NAA25: variants seen among roughly 807,000 people sequenced by gnomAD.
The protein encoded by NAA25 is N-alpha-acetyltransferase 25, NatB auxiliary subunit, also known as N-terminal acetyltransferase B complex subunit NAA25.
NAA25 carries 30 observed loss-of-function variants against 132.5 expected under a neutral mutation model. The observed-to-expected ratio is 0.23, with a 90% CI of 0.17 to 0.31. The LOEUF (loss-of-function observed/expected upper bound fraction) is 0.31, where lower values mean the gene tolerates loss of function less well. Ranked by LOEUF, NAA25 falls within the 10% of genes least tolerant of loss-of-function variation. The pLI, the probability that NAA25 is intolerant of heterozygous loss-of-function variation, is 1.00. For synonymous variants in NAA25, 359 were observed against 401.9 expected, an observed-to-expected ratio of 0.89 and a Z score of 1.28; for missense variants, 771 against 1,150.4, an observed-to-expected ratio of 0.67 and a Z score of 4.77.
At chr12:112,106,864 A>G (rs538985778) in intron 1 of NAA25, among the ~76,000 whole-genome samples, 1 of 151,344 alleles carries the variant, frequency 6.6e-6, no homozygotes, top group East Asian at 2.0e-4. Context: ...GAGGCAGGAG[A>G]ATCACTTGAA....
intron 11 of NAA25, among the ~76,000 whole-genome samples, chr12:112,061,927 A>G (rs2078636547): frequency 6.6e-6 from 1 of 152,204 alleles, no homozygotes; most frequent in Non-Finnish European, 1.5e-5. Context: ...GATCCCATGT[A>G]CCATTCATCC....
At chr12:112,045,968 C>CT (rs1347253820) in intron 17 of NAA25, among the ~76,000 whole-genome samples, 3 of 152,238 alleles carry the variant, frequency 2.0e-5, no homozygotes, top group African/African-American at 7.2e-5. Context: ...CAAACTTCAT[C>CT]TTTTTATGAC....
In NAA25 at chr12:112,078,759, A is replaced by G; in HGVS notation, c.478-18T>C. 6.3e-7 allele frequency: 1 copy of G among 1,589,118 alleles called. No individual in the cohort carries two copies. The highest frequency in any genetic ancestry group is 8.6e-7 in the Non-Finnish European group (1 of 1,158,644). ...GATATAGACTGAAAGAAGAAAAATA[A>G]TGTTTCATTCTAATTCTCCCCTGCT... On this transcript the variant is annotated intron_variant, in intron 5 of 23. Transcript: ENST00000261745.
chr12:112,063,695 C>G (rs1039517154), intron 11 of NAA25, among the ~76,000 whole-genome samples: 1 of 152,170 alleles, frequency 6.6e-6, no homozygotes, highest in Admixed American at 6.6e-5. Flanking sequence ...AACAACTAAT[C>G]ACCTTACACA....
Position 112,090,710 on chromosome 12 carries a change from A to C in NAA25, c.283+16T>G. The C allele has an allele frequency of 6.3e-7, 1 of 1,593,776 alleles. No individual in the cohort carries two copies. The highest frequency in any genetic ancestry group is 8.5e-7 in the Non-Finnish European group (1 of 1,174,440). ...TTCAGCTCAAGTTTAAAAACAATGAAAAGAAAGAAACATACGTCGGTGCAT... is the reference window on the plus strand; with the variant it reads ...TTCAGCTCAAGTTTAAAAACAATGACAAGAAAGAAACATACGTCGGTGCAT... On this transcript the variant is annotated intron_variant, in intron 3 of 23. Transcript: ENST00000261745.
At chr12:112,063,694 T>G in intron 11 of NAA25, among the ~76,000 whole-genome samples, 1 of 152,052 alleles carries the variant, frequency 6.6e-6, no homozygotes, top group Non-Finnish European at 1.5e-5. Flanking sequence ...AAACAACTAA[T>G]CACCTTACAC....
rs866647360 is a variant in NAA25, at chr12:112,086,071, T to C, written c.402+1612A>G. 3.6e-3 allele frequency among the ~76,000 whole-genome samples: 195 copies of C among 53,630 alleles called. 3 individuals carry two copies. The highest frequency in any genetic ancestry group is 0.023 in the East Asian group (6 of 256). 35.2% of individuals were successfully genotyped at this position (53,630 alleles called of 152,430 possible). On this transcript the variant is annotated intron_variant, in intron 4 of 23. Transcript: ENST00000261745. ...AAAAAAATATATATATATATATATA[T>C]ATACACACACACACACACACACACA...
Position 112,028,529 on chromosome 12 carries a change from A to G in NAA25, c.*1002T>C, listed in dbSNP as rs961949876. The G allele has an allele frequency of 6.6e-6, 1 of 152,176 alleles. No homozygotes were observed. The allele number at this position is 152,176 out of a possible 1,614,324, so 9.4% of individuals were successfully genotyped here. On this transcript the variant is annotated 3_prime_UTR_variant, in exon 24 of 24. Coordinates refer to ENST00000261745, the MANE Select transcript of NAA25 (RefSeq NM_024953.4). ...TTTCTTTTGCCAGCCTAAAACTTAA[A>G]GCCTAAGGCTAAATCCATAATATTA...
At chr12:112,065,012 C>T (rs933463509) in intron 11 of NAA25, among the ~76,000 whole-genome samples, 1 of 151,846 alleles carries the variant, frequency 6.6e-6, no homozygotes, top group African/African-American at 2.4e-5. Context: ...CTAGCCTGGG[C>T]AAGAAGAGCG....
intron 11 of NAA25, among the ~76,000 whole-genome samples, chr12:112,067,067 T>C (rs747567201): frequency 6.6e-6 from 1 of 152,050 alleles, no homozygotes; most frequent in Non-Finnish European, 1.5e-5. Context: ...CCAGGCATAG[T>C]AGCACACCAG....
chr12:112,069,733 C>A (rs796209105), intron 10 of NAA25, among the ~76,000 whole-genome samples: 32 of 146,864 alleles, frequency 2.2e-4, no homozygotes, highest in African/African-American at 7.8e-4. Flanking sequence ...GGCAGGAGAA[C>A]TGTTTGAACC....
At chr12:112,080,056 G>A (rs187732683) in intron 5 of NAA25, among the ~76,000 whole-genome samples, 24 of 151,882 alleles carry the variant, frequency 1.6e-4, no homozygotes, top group African/African-American at 5.1e-4. Flanking sequence ...CGAGGCGGGC[G>A]GATCACGAGG....
intron 19 of NAA25, 60 bp from the exon 20 acceptor site, chr12:112,042,164 G>T: frequency 1.2e-6 from 1 of 858,082 alleles, no homozygotes. Flanking sequence ...AGATAAAGAA[G>T]CAAGATAAAT....
chr12:112,097,801 T>C (rs982746209), intron 1 of NAA25, among the ~76,000 whole-genome samples: 1 of 151,848 alleles, frequency 6.6e-6, no homozygotes, highest in Non-Finnish European at 1.5e-5. Flanking sequence ...CTGGGTAAGT[T>C]GATGAGTAAG....
Position 112,086,222 on chromosome 12 carries a change from G to A in NAA25, c.402+1461C>T, listed in dbSNP as rs367744508. ...CCTCAAAAAATTTCTCCAGCTGGGCGCACTGGCTCACATCTGTAATCCCAG... is the reference window on the plus strand; with the variant it reads ...CCTCAAAAAATTTCTCCAGCTGGGCACACTGGCTCACATCTGTAATCCCAG... On this transcript the variant is annotated intron_variant, in intron 4 of 23. Transcript: ENST00000261745. Among the ~76,000 whole-genome samples, 9 of 150,614 alleles carry A rather than the reference G, an allele frequency of 6.0e-5. No homozygotes were observed. The South Asian group carries it at 6.3e-4, about 11-fold the overall frequency.
Position 112,068,890 on chromosome 12 carries a change from T to C in NAA25, c.1139A>G (p.Gln380Arg), listed in dbSNP as rs1035579109. The change falls in exon 11 of 24, where the codon CAG becomes CGG. Residue 380 changes from glutamine (Q) to arginine (R), a missense_variant. Gln to Arg is a conservative substitution (Grantham distance 43). Around this residue, in one of 3 missense-constraint regions of NAA25, gnomAD observed 417 missense variants for 733.8 expected, o/e 0.57. Coordinates refer to ENST00000261745, the MANE Select transcript of NAA25 (RefSeq NM_024953.4). Reference sequence around the variant, plus strand: ...CTGTATAGTACTTACTTTTGTACACTGTGTAGCAGGTAAGAGGTCAACAAA... The same window carrying C: ...CTGTATAGTACTTACTTTTGTACACCGTGTAGCAGGTAAGAGGTCAACAAA... ...KVFVDLLPAT[Q>R]CTKFINQLLG... 1.1e-5 allele frequency: 18 copies of C among 1,600,712 alleles called. No homozygotes were observed. Among genetic ancestry groups the C allele is most frequent in the Middle Eastern group, 1.7e-4 (1 of 6,022 alleles).
Position 112,033,365 on chromosome 12 carries a change from G to A in NAA25, c.2664C>T (p.Thr888=). The A allele has an allele frequency of 6.2e-7, 1 of 1,602,854 alleles. No homozygotes were observed. Among genetic ancestry groups the A allele is most frequent in the Non-Finnish European group, 8.5e-7 (1 of 1,176,248 alleles). ...GCCCAGTAACATAGTCTTGGAAACTGGTAAAGACAGGTGGCTGGGAAAAAG... is the reference window on the plus strand; with the variant it reads ...GCCCAGTAACATAGTCTTGGAAACTAGTAAAGACAGGTGGCTGGGAAAAAG... ...ETSIIMPPVF[T]SFQDYVTGLQ... The change falls in exon 23 of 24, where the codon ACC becomes ACT. Residue 888 remains threonine (T), a synonymous_variant. Transcript: ENST00000261745.
chr12:112,085,090 C>T (rs530667507), intron 4 of NAA25, among the ~76,000 whole-genome samples: 47 of 152,230 alleles, frequency 3.1e-4, no homozygotes, highest in African/African-American at 1.1e-3. Flanking sequence ...ATTAGCTAGG[C>T]ATGGTGGTGT....
At chr12:112,038,967 AG>A (rs369562680) in intron 22 of NAA25, among the ~76,000 whole-genome samples, 3 of 152,352 alleles carry the variant, frequency 2.0e-5, no homozygotes, top group South Asian at 4.1e-4. Flanking sequence ...CTATAGAGTG[AG>A]ATTCCATCTC....
Sources: gnomAD v4.1 joint callset for allele counts (sites outside exome capture counted in the v4.1 genomes callset) on GRCh38, gnomAD v4.1.1 for gene constraint, gnomAD v4.1.1 regional missense constraint, MANE v1.5 for transcripts, NCBI Gene and HGNC (gene_info 2026-07-23, HGNC 2026-07-21) for gene names.